Variants in TMEM164 observed in about 807,000 individuals in gnomAD.
TMEM164 encodes the protein RP13-360B22.2.
A neutral mutation model predicts 18.8 loss-of-function variants in TMEM164; 4 were observed. That is an observed-to-expected ratio of 0.21 (90% CI 0.10 to 0.49). TMEM164 has a LOEUF of 0.49. TMEM164 is among the 20% of genes least tolerant of loss of function. The probability of loss-of-function intolerance (pLI) is 0.98; values close to 1 mark genes in which losing one functional copy is unlikely to be tolerated. For missense variants in TMEM164, 108 were observed against 239.9 expected, an observed-to-expected ratio of 0.45 and a Z score of 3.63; for synonymous variants, 86 against 101.7, an observed-to-expected ratio of 0.85 and a Z score of 0.93.
intron 4 of TMEM164, 104 bp from the exon 5 acceptor site, chrX:110,144,694 A>C: frequency 2.1e-6 from 1 of 485,614 alleles, no homozygotes; most frequent in Non-Finnish European, 3.4e-6. Context: ...AATGCATGGG[A>C]TTGCTGAAAT....
intron 2 of TMEM164, among the ~76,000 whole-genome samples, chrX:110,051,205 G>T (rs1316476579): frequency 2.7e-5 from 3 of 111,762 alleles, no homozygotes; most frequent in Non-Finnish European, 5.6e-5. Flanking sequence ...GCAGTGGGTA[G>T]AACAGTGACT....
intron 2 of TMEM164, among the ~76,000 whole-genome samples, chrX:110,041,017 C>T (rs1465554610): frequency 8.9e-6 from 1 of 111,769 alleles, no homozygotes; most frequent in African/African-American, 3.3e-5. Flanking sequence ...AACTCTACCC[C>T]CTAACCCGCA....
At chrX:110,109,272 C>T (rs990850396) in intron 4 of TMEM164, 126 bp downstream of exon 4, 3 of 591,874 alleles carry the variant, frequency 5.1e-6, no homozygotes, top group Non-Finnish European at 8.2e-6. Context: ...AATCCCAGCA[C>T]TTTGGGAGGC....
intron 2 of TMEM164, among the ~76,000 whole-genome samples, chrX:110,040,738 C>T (rs1271178116): frequency 9.0e-6 from 1 of 111,522 alleles, no homozygotes; most frequent in Non-Finnish European, 1.9e-5. Context: ...GGGTTACCTG[C>T]TGCTTGGGCT....
At chrX:110,039,913 G>A (rs762581969) in intron 2 of TMEM164, among the ~76,000 whole-genome samples, 2 of 111,667 alleles carry the variant, frequency 1.8e-5, no homozygotes, top group Admixed American at 1.9e-4. Context: ...TGGATAAGGG[G>A]TTGGGGGTGG....
chrX:110,154,861 C>T (rs755505147), intron 5 of TMEM164, among the ~76,000 whole-genome samples: 6 of 111,609 alleles, frequency 5.4e-5, no homozygotes, highest in Admixed American at 2.8e-4. Flanking sequence ...GGCATTTGGT[C>T]GAGTACCTTG....
chrX:110,081,277 T>C (rs2065753583), intron 3 of TMEM164, among the ~76,000 whole-genome samples: 1 of 111,645 alleles, frequency 9.0e-6, no homozygotes. Flanking sequence ...CAAGAAATAT[T>C]ATATAACTTG....
chrX:110,153,381 T>A (rs2066972030), intron 5 of TMEM164, among the ~76,000 whole-genome samples: 1 of 112,466 alleles, frequency 8.9e-6, no homozygotes, highest in South Asian at 3.7e-4. Flanking sequence ...TTATTATACA[T>A]CTTACAAGCT....
At chrX:110,072,917 A>G (rs912095199) in intron 3 of TMEM164, among the ~76,000 whole-genome samples, 3 of 109,932 alleles carry the variant, frequency 2.7e-5, no homozygotes, top group Non-Finnish European at 5.7e-5. Context: ...GAGGTTTGGG[A>G]CATGATTGAA....
chrX:110,073,971 G>GCT (rs2065634163), intron 3 of TMEM164, among the ~76,000 whole-genome samples: 2 of 109,111 alleles, frequency 1.8e-5, no homozygotes, highest in African/African-American at 6.7e-5. Context: ...TCATCCTCCC[G>GCT]GGTCCAAGTG....
rs78799681 is a variant in TMEM164, at chrX:110,073,971, G to A, written c.440+6575G>A. Among the ~76,000 whole-genome samples, 709 of 109,160 alleles carry A rather than the reference G, an allele frequency of 6.5e-3. 5 individuals are homozygous for A. The highest frequency in any genetic ancestry group is 0.023 in the African/African-American group (686 of 29,854). The allele number at this position is 109,160 out of a possible 115,157, so 94.8% of individuals were successfully genotyped here. A position where few individuals can be genotyped will look rare whatever the true frequency, so the allele number is the denominator to read the frequency against. On this transcript the variant is annotated intron_variant, in intron 3 of 6. Transcript: ENST00000372068. Reference sequence around the variant, plus strand: ...CGGCTCACTGTAAACTCATCCTCCCGGGTCCAAGTGATTCTCCTGCGTCAG... The same window carrying A: ...CGGCTCACTGTAAACTCATCCTCCCAGGTCCAAGTGATTCTCCTGCGTCAG...
chrX:110,153,304 T>TGATG (rs1172838900), intron 5 of TMEM164, among the ~76,000 whole-genome samples: 16 of 112,108 alleles, frequency 1.4e-4, no homozygotes, highest in African/African-American at 5.2e-4. Flanking sequence ...GGTATGTAGG[T>TGATG]GATGAATGAA....
At chrX:110,132,872 A>C (rs1478178653) in intron 4 of TMEM164, among the ~76,000 whole-genome samples, 1 of 112,357 alleles carries the variant, frequency 8.9e-6, no homozygotes, top group Non-Finnish European at 1.9e-5. Flanking sequence ...TGAAGATAAA[A>C]GGAGTTAAAG....
chrX:110,184,210 C>A (rs2067333275), downstream of TMEM164, among the ~76,000 whole-genome samples: 1 of 108,382 alleles, frequency 9.2e-6, no homozygotes, highest in South Asian at 4.1e-4. Flanking sequence ...TTGCTGTGAA[C>A]CTAAAACTTC....
intron 3 of TMEM164, among the ~76,000 whole-genome samples, chrX:110,069,510 T>C (rs1254843055): frequency 9.0e-6 from 1 of 111,203 alleles, no homozygotes; most frequent in Non-Finnish European, 1.9e-5. Context: ...ATATTTTAGA[T>C]TTTAGCCCTT....
Position 110,023,732 on chromosome X carries a change from G to C in TMEM164, c.390+19568G>C, listed in dbSNP as rs763465189. The stretch of plus-strand genomic sequence containing the variant: ...TAACATACCCAAGGTCACACAGCTA[G>C]AAAGTGACCAAGCTGGTATGGATGT... On this transcript the variant is annotated intron_variant, in intron 2 of 6. Transcript: ENST00000372068. Among the ~76,000 whole-genome samples the C allele has an allele frequency of 3.2e-4, 36 of 112,068 alleles. 1 individual carries two copies. In the South Asian group the frequency reaches 0.013, roughly 42 times the overall value.
intron 2 of TMEM164, among the ~76,000 whole-genome samples, chrX:110,046,868 A>T (rs1935336729): frequency 8.9e-6 from 1 of 112,221 alleles, no homozygotes. Context: ...TTCTTGACCC[A>T]CTTGCATCAG....
chrX:110,002,742 G>T (rs1044900945), upstream of TMEM164: 2 of 110,797 alleles, frequency 1.8e-5, no homozygotes, highest in African/African-American at 6.6e-5. Context: ...CGGAGCAGTA[G>T]CCCGATCCGG....
rs767018379 is a variant in TMEM164, at chrX:110,098,933, G to A, written c.441-10147G>A. Among the ~76,000 whole-genome samples the A allele has an allele frequency of 3.8e-5, 4 of 104,391 alleles. No individual in the cohort carries two copies. The South Asian group carries it at 1.3e-3, about 34-fold the overall frequency. 90.7% of individuals were successfully genotyped at this position (104,391 alleles called of 115,157 possible). A position where few individuals can be genotyped will look rare whatever the true frequency, so the allele number is the denominator to read the frequency against. ...ACGTAGCTGGGACTACAAGGCACCC[G>A]CCACCACACCCGGCTAATTTTTTTT... On this transcript the variant is annotated intron_variant, in intron 3 of 6. Coordinates refer to ENST00000372068, the MANE Select transcript of TMEM164 (RefSeq NM_032227.4).
Sources: allele counts gnomAD v4.1 joint callset (sites outside exome capture counted in the v4.1 genomes callset), GRCh38; gene constraint gnomAD v4.1.1; transcripts MANE v1.5; gene names NCBI Gene and HGNC (gene_info 2026-07-23, HGNC 2026-07-21).